TBC1D32: variants seen among roughly 807,000 people sequenced by gnomAD.
The protein encoded by TBC1D32 is protein broad-minded.
Under a neutral mutation model 170.3 loss-of-function variants are expected in TBC1D32, and 151 were observed. That is an observed-to-expected ratio of 0.89 (90% CI 0.78 to 1.01). TBC1D32 has a LOEUF of 1.01. TBC1D32 is among the 50% of genes least tolerant of loss of function. The pLI is 0.00. For synonymous variants in TBC1D32, 498 were observed against 488.0 expected, an observed-to-expected ratio of 1.02 and a Z score of -0.27; for missense variants, 1,464 against 1,457.1, an observed-to-expected ratio of 1.00 and a Z score of -0.08.
At chr6:121,201,013 A>C (rs1298156334) in intron 22 of TBC1D32, among the ~76,000 whole-genome samples, 2 of 151,380 alleles carry the variant, frequency 1.3e-5, no homozygotes, top group South Asian at 4.1e-4. Context: ...TAAAATGATA[A>C]AAGATGGGTG....
At chr6:121,100,117 C>T (rs1028273332) in intron 30 of TBC1D32, among the ~76,000 whole-genome samples, 2 of 151,954 alleles carry the variant, frequency 1.3e-5, no homozygotes, top group African/African-American at 4.8e-5. Context: ...TTTAATTGCA[C>T]TGTGGTCTGA....
chr6:121,237,322 C>T (rs1796449960), intron 20 of TBC1D32, among the ~76,000 whole-genome samples: 1 of 151,754 alleles, frequency 6.6e-6, no homozygotes, highest in East Asian at 1.9e-4. Flanking sequence ...TTCTCTTTAT[C>T]TTTGGTTTTT....
At chr6:121,215,326 A>G (rs116159128) in intron 21 of TBC1D32, among the ~76,000 whole-genome samples, 1,730 of 152,316 alleles carry the variant, frequency 0.011, 43 homozygotes, top group African/African-American at 0.04. Context: ...CAGGCAGCTG[A>G]GTGCCTGCAG....
At chr6:121,258,024 G>C (rs1262242896) in intron 15 of TBC1D32, among the ~76,000 whole-genome samples, 2 of 151,186 alleles carry the variant, frequency 1.3e-5, no homozygotes, top group African/African-American at 2.4e-5. Flanking sequence ...ATAGTGCTGG[G>C]AAAAATATAA....
At chr6:121,283,545 G>T (rs1322809143) in intron 13 of TBC1D32, among the ~76,000 whole-genome samples, 19 of 151,726 alleles carry the variant, frequency 1.3e-4, no homozygotes, top group Non-Finnish European at 3.0e-5. Context: ...CATGTCTTGA[G>T]AACATTTTGA....
At chr6:121,118,654 G>A (rs568182312) in intron 26 of TBC1D32, among the ~76,000 whole-genome samples, 64 of 152,256 alleles carry the variant, frequency 4.2e-4, no homozygotes, top group African/African-American at 1.4e-3. Context: ...TGGTTGGAGA[G>A]GCAGTTACTG....
At chr6:121,081,340 A>G (rs1211200979) in intron 31 of TBC1D32, among the ~76,000 whole-genome samples, 1 of 152,180 alleles carries the variant, frequency 6.6e-6, no homozygotes, top group Admixed American at 6.5e-5. Context: ...TACTATGCAC[A>G]TCTATACTAA....
At chr6:121,277,514 C>T (rs150990449) in intron 15 of TBC1D32, among the ~76,000 whole-genome samples, 1,554 of 118,868 alleles carry the variant, frequency 0.013, 30 homozygotes, top group African/African-American at 0.049. Context: ...AAAAAAACCA[C>T]AAGGGTCAAA....
Position 121,310,803 on chromosome 6 carries a change from C to A in TBC1D32, c.540G>T (p.Gln180His). The change falls in exon 4 of 32, where the codon CAG becomes CAT. Residue 180 changes from glutamine (Q) to histidine (H), a missense_variant. By Grantham distance (24) the Gln-to-His change is conservative. Coordinates refer to ENST00000398212, the MANE Select transcript of TBC1D32 (RefSeq NM_152730.6). ...CQGKLQLILD[Q>H]LDPGQPKEVR... ...CCTCTTTAGGTTGCCCAGGATCCAACTGGTCTAAAATCAATTGTAATTTTC... is the reference window on the plus strand; with the variant it reads ...CCTCTTTAGGTTGCCCAGGATCCAAATGGTCTAAAATCAATTGTAATTTTC... The A allele has an allele frequency of 6.4e-7, 1 of 1,574,114 alleles. No homozygotes were observed.
chr6:121,243,842 G>A (rs1341404985), intron 17 of TBC1D32, among the ~76,000 whole-genome samples: 1 of 150,124 alleles, frequency 6.7e-6, no homozygotes, highest in Admixed American at 6.6e-5. Flanking sequence ...AATGAATTAA[G>A]GAGTAAAATG....
At chr6:121,208,745 A>AAAAAAAAAC (rs71761110) in intron 21 of TBC1D32, among the ~76,000 whole-genome samples, 8 of 151,094 alleles carry the variant, frequency 5.3e-5, no homozygotes, top group Non-Finnish European at 1.2e-4. Flanking sequence ...AAAAAAAAAA[A>AAAAAAAAAC]AACAGAAATT....
chr6:121,260,826 G>T (rs1235236806), intron 15 of TBC1D32, among the ~76,000 whole-genome samples: 1 of 151,994 alleles, frequency 6.6e-6, no homozygotes, highest in Admixed American at 6.5e-5. Context: ...ATCTGAGCTC[G>T]CTGGGGGAGA....
chr6:121,224,489 G>T (rs1381410904), intron 20 of TBC1D32: 1 of 151,998 alleles, frequency 6.6e-6, no homozygotes, highest in African/African-American at 2.4e-5. Flanking sequence ...AAATTAAAAA[G>T]AACATTTCAT....
chr6:121,086,004 T>TG (rs141536443), intron 31 of TBC1D32, among the ~76,000 whole-genome samples: 1 of 151,996 alleles, frequency 6.6e-6, no homozygotes, highest in Non-Finnish European at 1.5e-5. Flanking sequence ...TGGAGAAAAA[T>TG]GGGAGCAAAA....
intron 25 of TBC1D32, among the ~76,000 whole-genome samples, chr6:121,130,268 G>A (rs1781290767): frequency 6.6e-6 from 1 of 152,094 alleles, no homozygotes; most frequent in South Asian, 2.1e-4. Flanking sequence ...GATCACCTGA[G>A]ATCAGGAGTT....
At chr6:121,101,889 G>C (rs958295393) in intron 30 of TBC1D32, among the ~76,000 whole-genome samples, 3 of 152,106 alleles carry the variant, frequency 2.0e-5, no homozygotes, top group South Asian at 2.1e-4. Context: ...CTTCAGCAAA[G>C]TCTCAGGATA....
chr6:121,133,971 CT>C (rs1177599101), intron 24 of TBC1D32, among the ~76,000 whole-genome samples: 1 of 151,792 alleles, frequency 6.6e-6, no homozygotes, highest in Non-Finnish European at 1.5e-5. Flanking sequence ...AATAATTTTA[CT>C]GAAAATTATG....
intron 21 of TBC1D32, among the ~76,000 whole-genome samples, chr6:121,219,263 T>A (rs763950766): frequency 3.3e-5 from 5 of 151,626 alleles, no homozygotes; most frequent in Non-Finnish European, 5.9e-5. Flanking sequence ...ATCAAAAGAG[T>A]TGTTTGTTTT....
At chr6:121,318,750 T>A (rs1809274089) in intron 2 of TBC1D32, among the ~76,000 whole-genome samples, 1 of 150,596 alleles carries the variant, frequency 6.6e-6, no homozygotes, top group South Asian at 2.1e-4. Flanking sequence ...CACATATATA[T>A]CCAAAATGAT....
Sources: allele counts gnomAD v4.1 joint callset (sites outside exome capture counted in the v4.1 genomes callset), GRCh38; gene constraint gnomAD v4.1.1; transcripts MANE v1.5; gene names NCBI Gene and HGNC (gene_info 2026-07-23, HGNC 2026-07-21).